NELL1: variants seen among roughly 807,000 people sequenced by gnomAD.
NELL1 encodes neural EGFL like 1.
Under a neutral mutation model 107.4 loss-of-function variants are expected in NELL1, and 76 were observed. The ratio of observed to expected loss-of-function variants is 0.71; its 90% CI spans 0.59 to 0.86. NELL1 has a LOEUF of 0.86. Among genes scored for constraint, NELL1 ranks in the 40% least tolerant of loss-of-function variants. The pLI is 0.00. For missense variants in NELL1, 1,024 were observed against 1,005.5 expected (o/e 1.02, Z -0.25); for synonymous variants, 353 against 341.2 (o/e 1.03, Z -0.38).
intron 12 of NELL1, among the ~76,000 whole-genome samples, chr11:21,008,562 G>T (rs1852378847): frequency 6.6e-6 from 1 of 152,074 alleles, no homozygotes; most frequent in Non-Finnish European, 1.5e-5. Flanking sequence ...GTCAATGAAT[G>T]AATGGGTAAG....
intron 14 of NELL1, among the ~76,000 whole-genome samples, chr11:21,333,404 G>T (rs1850314914): frequency 1.3e-5 from 2 of 152,014 alleles, no homozygotes; most frequent in African/African-American, 2.4e-5. Context: ...TCATTGTTGT[G>T]ATTATAGAAA....
intron 2 of NELL1, among the ~76,000 whole-genome samples, chr11:20,757,693 C>T (rs190086609): frequency 4.0e-4 from 61 of 152,298 alleles, no homozygotes; most frequent in South Asian, 2.5e-3. Flanking sequence ...ATCCTTTAGG[C>T]TCAGCCTCTG....
At chr11:20,753,060 A>G (rs984173987) in intron 2 of NELL1, among the ~76,000 whole-genome samples, 4 of 152,224 alleles carry the variant, frequency 2.6e-5, no homozygotes, top group African/African-American at 9.6e-5. Flanking sequence ...CAGGAGAAAG[A>G]AAAAATTAAG....
At chr11:21,509,504 T>C (rs1855381129) in intron 15 of NELL1, among the ~76,000 whole-genome samples, 1 of 152,102 alleles carries the variant, frequency 6.6e-6, no homozygotes, top group African/African-American at 2.4e-5. Context: ...GCACTGGAAA[T>C]GAACAAATTA....
intron 2 of NELL1, among the ~76,000 whole-genome samples, chr11:20,728,035 T>C (rs1295801829): frequency 2.0e-5 from 3 of 152,214 alleles, no homozygotes; most frequent in Non-Finnish European, 2.9e-5. Flanking sequence ...GTGGTTTTGA[T>C]TTGCATTTCT....
chr11:21,144,917 A>G (rs1291929613), intron 13 of NELL1, among the ~76,000 whole-genome samples: 5 of 152,192 alleles, frequency 3.3e-5, no homozygotes, highest in Non-Finnish European at 7.4e-5. Flanking sequence ...GGAATCAGGC[A>G]GATCTGATGG....
chr11:20,923,723 T>C (rs1486677069), intron 7 of NELL1, among the ~76,000 whole-genome samples: 3 of 152,236 alleles, frequency 2.0e-5, no homozygotes, highest in African/African-American at 7.2e-5. Context: ...GACAAATCTA[T>C]GTATGCAAAT....
chr11:21,254,020 G>A (rs1858707153), intron 14 of NELL1, among the ~76,000 whole-genome samples: 1 of 152,084 alleles, frequency 6.6e-6, no homozygotes, highest in Non-Finnish European at 1.5e-5. Context: ...TCAGAGGTTT[G>A]CAGAGGGACA....
intron 14 of NELL1, among the ~76,000 whole-genome samples, chr11:21,339,597 G>A (rs1379789828): frequency 6.6e-6 from 1 of 152,150 alleles, no homozygotes; most frequent in Non-Finnish European, 1.5e-5. Context: ...TAAAATTCAT[G>A]TTTACCAGAC....
intron 15 of NELL1, among the ~76,000 whole-genome samples, chr11:21,458,855 T>C (rs933139950): frequency 6.6e-6 from 1 of 152,084 alleles, no homozygotes; most frequent in African/African-American, 2.4e-5. Flanking sequence ...GAAGAGAATT[T>C]TTTTCTGTTA....
chr11:20,971,729 T>C (rs1190640526), intron 12 of NELL1, among the ~76,000 whole-genome samples: 1 of 152,228 alleles, frequency 6.6e-6, no homozygotes, highest in African/African-American at 2.4e-5. Context: ...GGGAACTTCA[T>C]CTCTCATCAT....
chr11:21,374,934 C>T (rs1393091871), intron 15 of NELL1, among the ~76,000 whole-genome samples: 2 of 142,182 alleles, frequency 1.4e-5, no homozygotes, highest in Admixed American at 6.9e-5. Flanking sequence ...TGTGTATGGT[C>T]TTCTGTGTGT....
At chr11:20,770,428 G>A (rs1856617397) in intron 2 of NELL1, among the ~76,000 whole-genome samples, 1 of 152,130 alleles carries the variant, frequency 6.6e-6, no homozygotes, top group South Asian at 2.1e-4. Flanking sequence ...ACATTTCTTG[G>A]AGCTTCTGTT....
At chr11:21,113,777 A>G (rs1205008915) in intron 13 of NELL1, 63 bp downstream of exon 13, 1 of 1,527,052 alleles carries the variant, frequency 6.5e-7, no homozygotes, top group Non-Finnish European at 8.9e-7. Context: ...TGTCTGTGTT[A>G]TTATGTTTAA....
At chr11:20,839,995 G>T (rs1031930948) in intron 3 of NELL1, among the ~76,000 whole-genome samples, 5 of 152,140 alleles carry the variant, frequency 3.3e-5, no homozygotes, top group Non-Finnish European at 7.3e-5. Flanking sequence ...AAATGTTTGG[G>T]TTTGATACAA....
chr11:20,904,380 A>G (rs1372988804), intron 5 of NELL1, among the ~76,000 whole-genome samples: 1 of 152,184 alleles, frequency 6.6e-6, no homozygotes, highest in Non-Finnish European at 1.5e-5. Flanking sequence ...TGCACGTACC[A>G]AATATCAAAT....
chr11:20,960,411 G>A (rs772571924), intron 11 of NELL1, 21 bp from the exon 12 acceptor site: 13 of 1,610,098 alleles, frequency 8.1e-6, no homozygotes, highest in African/African-American at 6.7e-5. Context: ...TCTGATGTAC[G>A]TTTTTATTTG....
chr11:21,512,231 C>T (rs1303379248), intron 15 of NELL1, among the ~76,000 whole-genome samples: 1 of 152,096 alleles, frequency 6.6e-6, no homozygotes, highest in East Asian at 1.9e-4. Flanking sequence ...AGCAGGCCAG[C>T]CTCCTGTTTA....
chr11:21,435,255 T>C (rs942256757), intron 15 of NELL1, among the ~76,000 whole-genome samples: 1 of 152,046 alleles, frequency 6.6e-6, no homozygotes, highest in Non-Finnish European at 1.5e-5. Flanking sequence ...GCATTCTATC[T>C]TCTTCCAGCA....
Sources: gnomAD v4.1 joint callset for allele counts (sites outside exome capture counted in the v4.1 genomes callset) on GRCh38, gnomAD v4.1.1 for gene constraint, MANE v1.5 for transcripts, NCBI Gene and HGNC (gene_info 2026-07-23, HGNC 2026-07-21) for gene names.